C15orf39: variants seen among roughly 807,000 people sequenced by gnomAD.
C15orf39 encodes PRMT2 interacting protein.
C15orf39 carries 24 observed loss-of-function variants against 53.9 expected under a neutral mutation model. That is an observed-to-expected ratio of 0.45 (90% CI 0.32 to 0.63). The LOEUF is 0.63. Ranked by LOEUF, C15orf39 falls within the 20% of genes least tolerant of loss-of-function variation. The pLI, the probability that C15orf39 is intolerant of heterozygous loss-of-function variation, is 0.04. For missense variants in C15orf39, 1,271 were observed against 1,347.9 expected, an observed-to-expected ratio of 0.94 and a Z score of 0.89; for synonymous variants, 569 against 576.5, an observed-to-expected ratio of 0.99 and a Z score of 0.19.
chr15:75,199,840 A>G (rs1409676867), upstream of C15orf39, among the ~76,000 whole-genome samples: 1 of 152,194 alleles, frequency 6.6e-6, no homozygotes, highest in Admixed American at 6.5e-5. Flanking sequence ...CTCTGCTTTT[A>G]TTCACACTAT....
In C15orf39 at chr15:75,206,627, G is replaced by C; in HGVS notation, c.579G>C (p.Gly193=). The C allele has an allele frequency of 6.2e-7, 1 of 1,613,690 alleles. No homozygotes were observed. The highest frequency in any genetic ancestry group is 1.1e-5 in the South Asian group (1 of 91,086). The change falls in exon 2 of 3, where the codon GGG becomes GGC. Residue 193 remains glycine (G), a synonymous_variant. Transcript: ENST00000394987. ...CTCTGGATGGCACCTTCTTGCGGGG[G>C]GTGCCAGCTGAGGGGTCCAGTAAAG... ...GQTLDGTFLR[G]VPAEGSSKDS...
Position 75,207,777 on chromosome 15 carries a change from A to T in C15orf39, c.1729A>T (p.Ser577Cys), listed in dbSNP as rs770409302. ...SLKEEVALDL[S>C]VRKPTAEASP... ...TAAGGAGGAGGTAGCCCTGGATTTG[A>T]GTGTGAGGAAGCCCACAGCAGAGGC... The change falls in exon 2 of 3, where the codon AGT (serine) becomes TGT (cysteine). Residue 577 changes from serine to cysteine, a missense_variant. By Grantham distance (112) the Ser-to-Cys change is moderately radical (BLOSUM62 -1). Transcript: ENST00000394987. 1.9e-6 allele frequency: 3 copies of T among 1,611,442 alleles called. No individual in the cohort carries two copies. Among genetic ancestry groups the T allele is most frequent in the Middle Eastern group, 3.3e-4 (2 of 6,050 alleles).
chr15:75,206,713 G>C lies in C15orf39; in HGVS notation c.665G>C (p.Ser222Thr). The C allele has an allele frequency of 2.5e-6, 4 of 1,613,710 alleles. No individual in the cohort carries two copies. Among genetic ancestry groups the C allele is most frequent in the Non-Finnish European group, 3.4e-6 (4 of 1,179,932 alleles). The change falls in exon 2 of 3, where the codon AGC (serine) becomes ACC (threonine). Residue 222 changes from serine (S) to threonine (T), a missense_variant. Ser to Thr is a moderately conservative substitution (Grantham distance 58, BLOSUM62 1). Coordinates refer to ENST00000394987, the MANE Select transcript of C15orf39 (RefSeq NM_015492.5). ...CTGGAGAAATATCAGACCATCCACA[G>C]CACGGGCTTCCTGGCCTCCAGGTAC... ...PFLEKYQTIHSTGFLASRYTG... is the reference protein window; with the variant it reads ...PFLEKYQTIHTTGFLASRYTG...
chr15:75,208,369 T>C lies in C15orf39; in HGVS notation c.2321T>C (p.Leu774Pro). Residue 774 changes from leucine to proline, a missense_variant, in exon 2 of 3, where the codon CTG (leucine) becomes CCG (proline). This residue lies in a region of C15orf39 where 994 missense variants were observed against 993.7 expected (regional missense o/e 1.00). Coordinates refer to ENST00000394987, the MANE Select transcript of C15orf39 (RefSeq NM_015492.5). ...CATTTTACAGGACTACATGCGTCCCTGTGTGATGCTATTTCTGGCTCCGTC... is the reference window on the plus strand; with the variant it reads ...CATTTTACAGGACTACATGCGTCCCCGTGTGATGCTATTTCTGGCTCCGTC... Reference protein sequence around the residue: ...EQHFTGLHASLCDAISGSVAH... With the variant: ...EQHFTGLHASPCDAISGSVAH... The C allele has an allele frequency of 6.3e-7, 1 of 1,595,696 alleles. No homozygotes were observed. Among genetic ancestry groups the C allele is most frequent in the Non-Finnish European group, 8.5e-7 (1 of 1,171,192 alleles).
Position 75,206,143 on chromosome 15 carries a change from C to G in C15orf39, c.95C>G (p.Pro32Arg), listed in dbSNP as rs1317009007. ...ETDSGLEHSLPHSVGNQDPCT... is the reference protein window; with the variant it reads ...ETDSGLEHSLRHSVGNQDPCT... ...GACTCCGGGCTCGAGCACAGCCTGC[C>G]CCACTCTGTTGGTAACCAGGATCCC... The change falls in exon 2 of 3, where the codon CCC becomes CGC. Residue 32 changes from proline (P) to arginine (R), a missense_variant. This residue lies in a region of C15orf39 where 994 missense variants were observed against 993.7 expected (regional missense o/e 1.00). Transcript: ENST00000394987. The G allele has an allele frequency of 1.2e-6, 2 of 1,613,968 alleles. No individual in the cohort carries two copies. Among genetic ancestry groups the G allele is most frequent in the Non-Finnish European group, 1.7e-6 (2 of 1,179,954 alleles).
intron 1 of C15orf39, among the ~76,000 whole-genome samples, chr15:75,203,407 T>G (rs964943723): frequency 3.9e-5 from 6 of 152,204 alleles, no homozygotes; most frequent in African/African-American, 1.4e-4. Context: ...CTTGCTTGCC[T>G]CAGTATGGGT....
Position 75,207,576 on chromosome 15 carries a change from G to A in C15orf39, c.1528G>A (p.Ala510Thr). ...MPVIDNVFSL[A>T]PYRDYLDVPA... ...TGTCATTGACAATGTCTTCAGCCTGGCCCCCTACCGTGACTATCTGGATGT... is the reference window on the plus strand; with the variant it reads ...TGTCATTGACAATGTCTTCAGCCTGACCCCCTACCGTGACTATCTGGATGT... Residue 510 changes from alanine to threonine, a missense_variant, in exon 2 of 3, where the codon GCC becomes ACC. Physicochemically the swap from Ala to Thr is moderately conservative, Grantham distance 58. This residue lies in a region of C15orf39 where 994 missense variants were observed against 993.7 expected (regional missense o/e 1.00). Coordinates refer to ENST00000394987, the MANE Select transcript of C15orf39 (RefSeq NM_015492.5). 1 of 1,613,380 alleles carries A rather than the reference G, an allele frequency of 6.2e-7. No individual in the cohort carries two copies. The highest frequency in any genetic ancestry group is 8.5e-7 in the Non-Finnish European group (1 of 1,179,988).
upstream of C15orf39, among the ~76,000 whole-genome samples, chr15:75,200,870 G>T (rs1191064057): frequency 7.8e-6 from 1 of 127,510 alleles, no homozygotes; most frequent in Non-Finnish European, 1.6e-5. Flanking sequence ...CCTACCTGCA[G>T]CGCCCAGCCC....
chr15:75,201,925 C>A lies in C15orf39; in HGVS notation c.-185C>A, dbSNP rs1031154182. ...GCGCGAACGGCAGCTAGGAGGGTTG[C>A]TCCGGGCTTGGTGCTCACTGCGACT... On this transcript the variant is annotated 5_prime_UTR_variant, in exon 1 of 3. Coordinates refer to ENST00000394987, the MANE Select transcript of C15orf39 (RefSeq NM_015492.5). This position sits in a 1 kb window ranked among gnomAD's most constrained non-coding sequence, Gnocchi z 4.7. 8 of 151,936 alleles carry A rather than the reference C, an allele frequency of 5.3e-5. No individual in the cohort carries two copies. Among genetic ancestry groups the A allele is most frequent in the Non-Finnish European group, 1.2e-4 (8 of 67,946 alleles). 9.4% of individuals were successfully genotyped at this position (151,936 alleles called of 1,614,324 possible). A position where few individuals can be genotyped will look rare whatever the true frequency, so the allele number is the denominator to read the frequency against.
chr15:75,206,287 C>T lies in C15orf39; in HGVS notation c.239C>T (p.Pro80Leu), dbSNP rs1334625825. The change falls in exon 2 of 3, where the codon CCC becomes CTC. Residue 80 changes from proline to leucine, a missense_variant. Pro to Leu is a moderately conservative substitution (Grantham distance 98). Transcript: ENST00000394987. ...PPLYSTGMAG[P>L]PLQADNLLTN... ...TTGTACTCTACCGGTATGGCAGGACCCCCACTTCAGGCAGACAACCTGCTG... is the reference window on the plus strand; with the variant it reads ...TTGTACTCTACCGGTATGGCAGGACTCCCACTTCAGGCAGACAACCTGCTG... 8 of 1,613,926 alleles carry T rather than the reference C, an allele frequency of 5.0e-6. No individual in the cohort carries two copies. In the Admixed American group the frequency reaches 6.7e-5, roughly 13 times the overall value.
In C15orf39 at chr15:75,207,051, A is replaced by G. The variant is rs1388047141; in HGVS notation, c.1003A>G (p.Ile335Val). Residue 335 changes from isoleucine to valine, a missense_variant, in exon 2 of 3, where the codon ATT (isoleucine) becomes GTT (valine). Ile to Val is a conservative substitution (Grantham distance 29, BLOSUM62 3). Around this residue, in one of 2 missense-constraint regions of C15orf39, gnomAD observed 994 missense variants for 993.7 expected, o/e 1.00. Coordinates refer to ENST00000394987, the MANE Select transcript of C15orf39 (RefSeq NM_015492.5). Reference sequence around the variant, plus strand: ...GCAGCAGGCAGCCCAGGCACCTTACATTCCCCCACTGGGGCTGGACGCTTA... The same window carrying G: ...GCAGCAGGCAGCCCAGGCACCTTACGTTCCCCCACTGGGGCTGGACGCTTA... ...LRQQAAQAPYIPPLGLDAYPY... is the reference protein window; with the variant it reads ...LRQQAAQAPYVPPLGLDAYPY... 3 of 1,609,274 alleles carry G rather than the reference A, an allele frequency of 1.9e-6. No individual in the cohort carries two copies. The highest frequency in any genetic ancestry group is 1.7e-6 in the Non-Finnish European group (2 of 1,177,926).
Position 75,208,389 on chromosome 15 carries a change from T to C in C15orf39, c.2341T>C (p.Ser781Pro), listed in dbSNP as rs1256417714. Reference protein sequence around the residue: ...HASLCDAISGSVAHSPPEKLR... With the variant: ...HASLCDAISGPVAHSPPEKLR... The stretch of plus-strand genomic sequence containing the variant: ...GTCCCTGTGTGATGCTATTTCTGGC[T>C]CCGTCGCCCACTCTCCTCCAGAGAA... The change falls in exon 2 of 3, where the codon TCC becomes CCC. Residue 781 changes from serine to proline, a missense_variant. Coordinates refer to ENST00000394987, the MANE Select transcript of C15orf39 (RefSeq NM_015492.5). 2.5e-6 allele frequency: 4 copies of C among 1,602,338 alleles called. No homozygotes were observed. In the South Asian group the frequency reaches 4.5e-5, roughly 18 times the overall value.
Position 75,207,314 on chromosome 15 carries a change from G to A in C15orf39, c.1266G>A (p.Ala422=), listed in dbSNP as rs768826871. The A allele has an allele frequency of 1.2e-5, 20 of 1,613,262 alleles. No homozygotes were observed. Among genetic ancestry groups the A allele is most frequent in the East Asian group, 4.5e-5 (2 of 44,880 alleles). ...AGAGGGCATGCCAGCCTTTGCCAGC[G>A]AGCCAGCCCTGCTCAGAGCCTGTGA... The part of the protein sequence containing the change: ...AFQRACQPLP[A]SQPCSEPVRP... Residue 422 remains alanine (A), a synonymous_variant, in exon 2 of 3, where the codon GCG becomes GCA. Transcript: ENST00000394987.
rs1595954737 is a variant in C15orf39, at chr15:75,206,258, A to C, written c.210A>C (p.Pro70=). The part of the protein sequence containing the change: ...SEQLASWTPY[P]PLYSTGMAGP... ...AGTTGGCGTCCTGGACCCCATACCCACCCTTGTACTCTACCGGTATGGCAG... is the reference window on the plus strand; with the variant it reads ...AGTTGGCGTCCTGGACCCCATACCCCCCCTTGTACTCTACCGGTATGGCAG... Residue 70 remains proline (P), a synonymous_variant, in exon 2 of 3, where the codon CCA becomes CCC. Coordinates refer to ENST00000394987, the MANE Select transcript of C15orf39 (RefSeq NM_015492.5). 6.2e-7 allele frequency: 1 copy of C among 1,613,666 alleles called. No individual in the cohort carries two copies.
At position 75,208,684 on chromosome 15, in the gene C15orf39, C is replaced by T. The variant is rs1031593823; in HGVS notation, c.2636C>T (p.Ser879Leu). The change falls in exon 2 of 3, where the codon TCG (serine) becomes TTG (leucine). Residue 879 changes from serine to leucine, a missense_variant. Coordinates refer to ENST00000394987, the MANE Select transcript of C15orf39 (RefSeq NM_015492.5). ...HRVELRPTTL[S>L]EERALRELAL... ...GTGGAGCTGCGGCCCACCACGCTGT[C>T]GGAGGAGCGGGCACTGCGGGAGCTC... is the stretch of plus-strand genomic sequence containing the variant. The T allele has an allele frequency of 2.7e-5, 44 of 1,607,536 alleles. No individual in the cohort carries two copies. The highest frequency in any genetic ancestry group is 3.6e-5 in the Non-Finnish European group (43 of 1,179,144).
chr15:75,201,878 C>T (rs1421847539), upstream of C15orf39: 1 of 151,914 alleles, frequency 6.6e-6, no homozygotes, highest in Non-Finnish European at 1.5e-5. This position sits in a 1 kb window ranked among gnomAD's most constrained non-coding sequence, Gnocchi z 4.7. Flanking sequence ...CCGCCCGGGA[C>T]CGCAGACGGC....
At chr15:75,201,800 C>G (rs1469744493), upstream of C15orf39, 1 of 152,056 alleles carries the variant, frequency 6.6e-6, no homozygotes, top group East Asian at 1.9e-4. The surrounding 1 kb of genome is among the most constrained non-coding windows in gnomAD (Gnocchi z 4.7). Flanking sequence ...CGCAGGCTCC[C>G]AGAGGCGGGG....
rs2070479378 is a variant in C15orf39 at position 75,210,975 on chromosome 15, A to G, written c.3003A>G (p.Thr1001=). ...PATSASPPGP[T]LKARFRSLLE... ...CCAGTGCCAGCCCACCTGGCCCCAC[A>G]CTGAAGGCCCGCTTCCGCAGTCTGC... Residue 1001 remains threonine (T), a synonymous_variant, in exon 3 of 3, where the codon ACA becomes ACG. Transcript: ENST00000394987. The G allele has an allele frequency of 6.2e-7, 1 of 1,613,126 alleles. No individual in the cohort carries two copies. The highest frequency in any genetic ancestry group is 1.3e-5 in the African/African-American group (1 of 74,898).
At position 75,208,225 on chromosome 15, in the gene C15orf39, C is replaced by G. The variant is rs1696472005; in HGVS notation, c.2177C>G (p.Ser726Cys). 1.9e-6 allele frequency: 3 copies of G among 1,612,670 alleles called. No homozygotes were observed. The highest frequency in any genetic ancestry group is 2.2e-5 in the East Asian group (1 of 44,884). Residue 726 changes from serine to cysteine, a missense_variant, in exon 2 of 3, where the codon TCC (serine) becomes TGC (cysteine). Ser to Cys is a moderately radical substitution (Grantham distance 112). Transcript: ENST00000394987. ...VASPAPAPAP[S>C]PAPARAQAPA... ...TCCCCTGCCCCTGCTCCAGCTCCAT[C>G]CCCTGCTCCGGCTCGAGCTCAGGCT...
Sources: allele counts gnomAD v4.1 joint callset (sites outside exome capture counted in the v4.1 genomes callset), GRCh38; gene constraint gnomAD v4.1.1; regional missense constraint gnomAD v4.1.1; non-coding constraint Gnocchi (gnomAD v3.1); transcripts MANE v1.5; gene names NCBI Gene and HGNC (gene_info 2026-07-23, HGNC 2026-07-21).